SAMD3: variants seen among roughly 807,000 people sequenced by gnomAD.
SAMD3 encodes sterile alpha motif domain-containing protein 3.
SAMD3 carries 63 observed loss-of-function variants against 58.5 expected under a neutral mutation model. The ratio of observed to expected loss-of-function variants is 1.08; its 90% CI spans 0.88 to 1.33. The LOEUF (loss-of-function observed/expected upper bound fraction) is 1.33. Among genes scored for constraint, SAMD3 ranks in the 40% most tolerant of loss-of-function variants. The pLI is 0.00. For synonymous variants in SAMD3, 220 were observed against 210.3 expected (o/e 1.05, Z -0.40); for missense variants, 604 against 608.4 (o/e 0.99, Z 0.08).
chr6:130,283,428 T>G (rs1775053741), intron 2 of SAMD3, among the ~76,000 whole-genome samples: 1 of 152,036 alleles, frequency 6.6e-6, no homozygotes, highest in Non-Finnish European at 1.5e-5. Context: ...TAAATAAAAA[T>G]AAATCACACA....
At chr6:130,220,946 C>T (rs924863058) in intron 1 of SAMD3, among the ~76,000 whole-genome samples, 4 of 152,088 alleles carry the variant, frequency 2.6e-5, no homozygotes, top group Non-Finnish European at 5.9e-5. Flanking sequence ...CTCCGCCTCC[C>T]GGGTTCATGC....
chr6:130,149,308 G>A (rs1412045882), intron 9 of SAMD3, among the ~76,000 whole-genome samples: 1 of 152,214 alleles, frequency 6.6e-6, no homozygotes, highest in Non-Finnish European at 1.5e-5. Flanking sequence ...ACTGTGGAAA[G>A]CCGTTTGGAG....
intron 2 of SAMD3, among the ~76,000 whole-genome samples, chr6:130,271,259 C>A (rs186050006): frequency 6.6e-6 from 1 of 152,246 alleles, no homozygotes; most frequent in Admixed American, 6.5e-5. Context: ...CTCAGCCTCC[C>A]AAAGTGCTGG....
chr6:130,154,776 G>A, intron 9 of SAMD3, 49 bp downstream of exon 9: 1 of 847,584 alleles, frequency 1.2e-6, no homozygotes, highest in Admixed American at 2.2e-5. Flanking sequence ...ATGTGTGTGT[G>A]TGTATATACA....
At chr6:130,316,288 TAAAA>T (rs777240578) in intron 1 of SAMD3, among the ~76,000 whole-genome samples, 2 of 80,316 alleles carry the variant, frequency 2.5e-5, no homozygotes, top group African/African-American at 4.8e-5. Context: ...AAGGCTGTCT[TAAAA>T]AAAAAAAAAA....
intron 1 of SAMD3, among the ~76,000 whole-genome samples, chr6:130,343,820 C>T (rs1452252694): frequency 6.6e-6 from 1 of 151,914 alleles, no homozygotes; most frequent in African/African-American, 2.4e-5. Flanking sequence ...CAAAAATTAA[C>T]CGGGCATGGT....
At chr6:130,243,847 A>G (rs1773446197) in intron 2 of SAMD3, among the ~76,000 whole-genome samples, 1 of 152,216 alleles carries the variant, frequency 6.6e-6, no homozygotes, top group Admixed American at 6.5e-5. Context: ...CACATTATGT[A>G]ATAAAAAATT....
At chr6:130,319,460 C>CA (rs140047114) in intron 1 of SAMD3, among the ~76,000 whole-genome samples, 18,394 of 151,984 alleles carry the variant, frequency 0.12, 1,298 homozygotes, top group Admixed American at 0.16. Flanking sequence ...TTGATGAAAA[C>CA]AATGCAAACT....
intron 1 of SAMD3, among the ~76,000 whole-genome samples, chr6:130,353,708 A>G (rs536963309): frequency 6.7e-4 from 102 of 152,318 alleles, no homozygotes; most frequent in African/African-American, 2.4e-3. Context: ...GACAAAGGGA[A>G]GAGTAGAAGA....
At chr6:130,248,465 A>G (rs1480218475) in intron 2 of SAMD3, among the ~76,000 whole-genome samples, 1 of 152,062 alleles carries the variant, frequency 6.6e-6, no homozygotes, top group East Asian at 1.9e-4. Context: ...AAACAAAATC[A>G]CCCTAGAGGA....
At position 130,326,681 on chromosome 6, in the gene SAMD3, A is replaced by G. The variant is rs76995347; in HGVS notation, c.-303-13588T>C. 4.1e-3 allele frequency among the ~76,000 whole-genome samples: 621 copies of G among 152,318 alleles called. 5 individuals carry two copies. Among genetic ancestry groups the G allele is most frequent in the African/African-American group, 0.014 (576 of 41,578 alleles). On this transcript the variant is annotated intron_variant, in intron 1 of 13. Transcript: ENST00000368134. ...TCTTTTTGTGGAATGAACAACTTGG[A>G]TGCCACAGGAATTTAGGATCGCCAC...
intron 7 of SAMD3, among the ~76,000 whole-genome samples, chr6:130,177,824 C>T (rs541050881): frequency 6.6e-6 from 1 of 152,226 alleles, no homozygotes; most frequent in African/African-American, 2.4e-5. Context: ...CACGGTGCTT[C>T]ATGCATGCTA....
At chr6:130,281,263 T>C (rs768073257) in intron 2 of SAMD3, among the ~76,000 whole-genome samples, 2 of 152,214 alleles carry the variant, frequency 1.3e-5, no homozygotes, top group Non-Finnish European at 2.9e-5. Context: ...TTGAGCATAG[T>C]TGGAATCACC....
At chr6:130,161,090 C>G (rs1790240817) in intron 8 of SAMD3, 1 of 151,968 alleles carries the variant, frequency 6.6e-6, no homozygotes, top group African/African-American at 2.4e-5. Flanking sequence ...GTGATTAGTT[C>G]TAGAGGCCTG....
rs571369170 is a variant in SAMD3 at position 130,172,915 on chromosome 6, T to C, written c.822+2926A>G. On this transcript the variant is annotated intron_variant, in intron 8 of 11. Transcript: ENST00000439090. ...GGCTTTGTTCATTCATTTTCATTCT[T>C]TTTTCTCTAATCTTTTCTTCATGCC... Among the ~76,000 whole-genome samples the C allele has an allele frequency of 2.0e-5, 3 of 152,352 alleles. No individual in the cohort carries two copies. The East Asian group carries it at 5.8e-4, about 29-fold the overall frequency.
Position 130,343,889 on chromosome 6 carries a change from G to A in SAMD3, c.-304+21231C>T, listed in dbSNP as rs765968096. On this transcript the variant is annotated intron_variant, in intron 1 of 13. Coordinates refer to the SAMD3 transcript ENST00000368134. ...CCGAGGCGGGAGAATCGCTTGAACCGGGGAGGTGGAAGTTACAGTGAACCG... is the reference window on the plus strand; with the variant it reads ...CCGAGGCGGGAGAATCGCTTGAACCAGGGAGGTGGAAGTTACAGTGAACCG... Among the ~76,000 whole-genome samples the A allele has an allele frequency of 5.9e-5, 9 of 152,018 alleles. No individual in the cohort carries two copies. In the South Asian group the frequency reaches 8.3e-4, roughly 14 times the overall value.
upstream of SAMD3, among the ~76,000 whole-genome samples, chr6:130,224,608 T>C (rs1436448516): frequency 1.4e-4 from 15 of 109,072 alleles, no homozygotes; most frequent in Non-Finnish European, 1.9e-4. Flanking sequence ...ATTATTATTA[T>C]TATTATTATT....
intron 1 of SAMD3, among the ~76,000 whole-genome samples, chr6:130,324,155 CAAAGTTTAG>C (rs2115004499): frequency 6.6e-6 from 1 of 152,042 alleles, no homozygotes; most frequent in East Asian, 1.9e-4. Flanking sequence ...TAATAATTTA[CAAAGTTTAG>C]AAAGTTTAGT....
chr6:130,365,195 C>G lies in SAMD3; in HGVS notation c.-379G>C, dbSNP rs1049801457. On this transcript the variant is annotated 5_prime_UTR_variant, in exon 1 of 14. Coordinates refer to the SAMD3 transcript ENST00000368134. Reference sequence around the variant, plus strand: ...CGACATATTTTACTCTGTGAACAGGCCAGTCTCCACTCACTGGATGTTTGG... The same window carrying G: ...CGACATATTTTACTCTGTGAACAGGGCAGTCTCCACTCACTGGATGTTTGG... 8.1e-6 allele frequency: 8 copies of G among 985,398 alleles called. No homozygotes were observed. In the African/African-American group the frequency reaches 1.4e-4, roughly 17 times the overall value. 61.0% of individuals were successfully genotyped at this position (985,398 alleles called of 1,614,324 possible).
Sources: allele counts gnomAD v4.1 joint callset (sites outside exome capture counted in the v4.1 genomes callset), GRCh38; gene constraint gnomAD v4.1.1; transcripts MANE v1.5; gene names NCBI Gene and HGNC (gene_info 2026-07-23, HGNC 2026-07-21).